CCDC91: variants seen among roughly 807,000 people sequenced by gnomAD.
CCDC91 encodes the protein coiled-coil domain containing 91, also known as coiled-coil domain-containing protein 91.
In CCDC91, 48 loss-of-function variants were observed where a neutral mutation model predicts 63.2. That is an observed-to-expected ratio of 0.76 (90% CI 0.60 to 0.97). The LOEUF (loss-of-function observed/expected upper bound fraction) is 0.97. Ranked by LOEUF, CCDC91 falls within the 50% of genes least tolerant of loss-of-function variation. CCDC91 has a pLI of 0.00. For synonymous variants in CCDC91, 167 were observed against 165.8 expected (o/e 1.01, Z -0.06); for missense variants, 500 against 494.6 (o/e 1.01, Z -0.10).
chr12:28,488,275 G>T (rs1173226393), intron 12 of CCDC91, among the ~76,000 whole-genome samples: 1 of 151,458 alleles, frequency 6.6e-6, no homozygotes, highest in African/African-American at 2.4e-5. Flanking sequence ...AGGACAAAGG[G>T]GCTACCTGTA....
intron 8 of CCDC91, among the ~76,000 whole-genome samples, chr12:28,400,946 T>C (rs776981558): frequency 2.0e-5 from 3 of 152,190 alleles, no homozygotes; most frequent in Non-Finnish European, 4.4e-5. Flanking sequence ...TTCCAAACTT[T>C]CCCACATCTT....
chr12:28,510,375 G>A (rs1939242596), intron 12 of CCDC91, among the ~76,000 whole-genome samples: 1 of 151,750 alleles, frequency 6.6e-6, no homozygotes, highest in Non-Finnish European at 1.5e-5. Flanking sequence ...CCAAAGGCCT[G>A]AGAAGCAGGA....
At chr12:28,218,951 C>G (rs1224893324) in intron 1 of CCDC91, among the ~76,000 whole-genome samples, 1 of 152,012 alleles carries the variant, frequency 6.6e-6, no homozygotes, top group African/African-American at 2.4e-5. Context: ...CATATGTTTT[C>G]TCTTAGGTCA....
At chr12:28,425,613 T>C (rs56073016) in intron 8 of CCDC91, among the ~76,000 whole-genome samples, 15,446 of 152,226 alleles carry the variant, frequency 0.1, 2,085 homozygotes, top group African/African-American at 0.31. Flanking sequence ...TTACAGACTT[T>C]CTCATTACTT....
intron 12 of CCDC91, among the ~76,000 whole-genome samples, chr12:28,530,858 T>C (rs1365827832): frequency 6.6e-6 from 1 of 152,008 alleles, no homozygotes; most frequent in Non-Finnish European, 1.5e-5. Flanking sequence ...TTTGAATGTG[T>C]CCCCAAAAAG....
intron 7 of CCDC91, among the ~76,000 whole-genome samples, chr12:28,388,409 G>C (rs191481524): frequency 8.4e-4 from 128 of 152,240 alleles, no homozygotes; most frequent in African/African-American, 2.9e-3. Context: ...TAATTCAGCA[G>C]AGTTTCAGGA....
At chr12:28,205,587 G>A (rs1942783587) in intron 1 of CCDC91, among the ~76,000 whole-genome samples, 1 of 152,200 alleles carries the variant, frequency 6.6e-6, no homozygotes, top group African/African-American at 2.4e-5. Flanking sequence ...CAGCCACACG[G>A]TGGAAGAAGT....
intron 6 of CCDC91, among the ~76,000 whole-genome samples, chr12:28,353,292 C>G (rs969264484): frequency 6.6e-6 from 1 of 152,174 alleles, no homozygotes; most frequent in Non-Finnish European, 1.5e-5. Context: ...CTCCAGACCA[C>G]TAAAACTTTC....
At chr12:28,252,205 T>G (rs904943906) in intron 1 of CCDC91, among the ~76,000 whole-genome samples, 1 of 152,172 alleles carries the variant, frequency 6.6e-6, no homozygotes, top group African/African-American at 2.4e-5. Flanking sequence ...CTCTGGAAGC[T>G]TGTAGGATCT....
intron 1 of CCDC91, among the ~76,000 whole-genome samples, chr12:28,211,783 A>C (rs1472397771): frequency 6.6e-6 from 1 of 151,796 alleles, no homozygotes; most frequent in Non-Finnish European, 1.5e-5. Context: ...TTCTTACCTA[A>C]GCACACCAGA....
intron 8 of CCDC91, among the ~76,000 whole-genome samples, chr12:28,398,810 A>G (rs959980041): frequency 4.9e-4 from 75 of 152,268 alleles, no homozygotes; most frequent in African/African-American, 1.5e-3. Flanking sequence ...TGTAAAGTGT[A>G]TATTCAAATC....
chr12:28,210,035 T>C (rs1326213861), intron 1 of CCDC91, among the ~76,000 whole-genome samples: 1 of 152,232 alleles, frequency 6.6e-6, no homozygotes, highest in Non-Finnish European at 1.5e-5. Flanking sequence ...TGACTTGTCC[T>C]AAACATCCTT....
chr12:28,299,619 A>G (rs1019448039), intron 3 of CCDC91, among the ~76,000 whole-genome samples: 6 of 151,616 alleles, frequency 4.0e-5, no homozygotes, highest in Non-Finnish European at 5.9e-5. Flanking sequence ...CAGAGAAGAG[A>G]GATTTCTTGC....
At chr12:28,383,346 C>T (rs183804911) in intron 7 of CCDC91, among the ~76,000 whole-genome samples, 19 of 152,260 alleles carry the variant, frequency 1.2e-4, no homozygotes, top group South Asian at 1.2e-3. Context: ...ATTCCAAATG[C>T]TTCAGATCTG....
intron 1 of CCDC91, 173 bp from the exon 2 acceptor site, chr12:28,257,029 G>A: frequency 2.1e-6 from 1 of 473,992 alleles, no homozygotes; most frequent in Non-Finnish European, 3.8e-6. Context: ...TACAGAAATT[G>A]CTAATTTTGC....
chr12:28,503,350 G>T (rs1938227247), intron 12 of CCDC91, among the ~76,000 whole-genome samples: 1 of 152,136 alleles, frequency 6.6e-6, no homozygotes, highest in East Asian at 1.9e-4. Context: ...ACCATCACTG[G>T]CCATCAGAGA....
At chr12:28,513,583 A>C (rs1336215719) in intron 12 of CCDC91, among the ~76,000 whole-genome samples, 1 of 151,918 alleles carries the variant, frequency 6.6e-6, no homozygotes, top group Non-Finnish European at 1.5e-5. Context: ...TGGTCCCAAG[A>C]GGGATACTCA....
chr12:28,404,857 A>C (rs1185570825), intron 8 of CCDC91, among the ~76,000 whole-genome samples: 1 of 152,120 alleles, frequency 6.6e-6, no homozygotes, highest in Non-Finnish European at 1.5e-5. Flanking sequence ...TTATCCACTT[A>C]CTTTTAATAT....
At chr12:28,194,531 T>C (rs1335229615) in intron 1 of CCDC91, among the ~76,000 whole-genome samples, 1 of 152,208 alleles carries the variant, frequency 6.6e-6, no homozygotes, top group Non-Finnish European at 1.5e-5. Flanking sequence ...CCACAGACCT[T>C]TGCAGTGAGT....
Sources: allele counts gnomAD v4.1 joint callset (sites outside exome capture counted in the v4.1 genomes callset), GRCh38; gene constraint gnomAD v4.1.1; transcripts MANE v1.5; gene names NCBI Gene and HGNC (gene_info 2026-07-23, HGNC 2026-07-21).